The following KCNMA1 variants were observed in gnomAD, a reference collection of about 807,000 sequenced individuals.
The protein encoded by KCNMA1 is potassium calcium-activated channel subfamily M alpha 1, also known as Calcium-activated potassium channel subunit alpha-1.
Under a neutral mutation model 140.0 loss-of-function variants are expected in KCNMA1, and 29 were observed. The ratio of observed to expected loss-of-function variants is 0.21; its 90% CI spans 0.15 to 0.28. KCNMA1 has a LOEUF of 0.28. Among genes scored for constraint, KCNMA1 ranks in the 10% least tolerant of loss-of-function variants. The probability of loss-of-function intolerance (pLI) is 1.00; values close to 1 mark genes in which losing one functional copy is unlikely to be tolerated. For synonymous variants in KCNMA1, 612 were observed against 611.9 expected, an observed-to-expected ratio of 1.00 and a Z score of 0.00; for missense variants, 880 against 1,602.2, an observed-to-expected ratio of 0.55 and a Z score of 7.70.
chr10:77,335,147 C>T (rs1297549025), intron 2 of KCNMA1, among the ~76,000 whole-genome samples: 1 of 152,148 alleles, frequency 6.6e-6, no homozygotes, highest in Non-Finnish European at 1.5e-5. Context: ...TCTTTCCTTC[C>T]CCATCTTCCT....
intron 1 of KCNMA1, among the ~76,000 whole-genome samples, chr10:77,458,483 A>G (rs2097795920): frequency 6.6e-6 from 1 of 152,170 alleles, no homozygotes; most frequent in Non-Finnish European, 1.5e-5. Flanking sequence ...ACAAACACGA[A>G]TCTCAACTCC....
intron 14 of KCNMA1, among the ~76,000 whole-genome samples, chr10:77,059,809 G>A (rs1171245800): frequency 6.6e-6 from 1 of 152,110 alleles, no homozygotes; most frequent in East Asian, 1.9e-4. Flanking sequence ...ACAAAGAAAA[G>A]ATGTCTACTC....
intron 5 of KCNMA1, chr10:77,148,199 T>G (rs1158916330): frequency 6.6e-6 from 1 of 152,126 alleles, no homozygotes; most frequent in African/African-American, 2.4e-5. Context: ...GAGAAACAAC[T>G]AGGTTATGAC....
At chr10:77,233,328 T>C (rs1466369728) in intron 3 of KCNMA1, among the ~76,000 whole-genome samples, 1 of 152,196 alleles carries the variant, frequency 6.6e-6, no homozygotes, top group African/African-American at 2.4e-5. Context: ...ATCCCAAGGA[T>C]TCTTCACTTG....
chr10:77,033,649 A>C (rs757524648), intron 15 of KCNMA1, among the ~76,000 whole-genome samples: 2 of 152,210 alleles, frequency 1.3e-5, no homozygotes, highest in Non-Finnish European at 2.9e-5. Context: ...ACAAGAACCC[A>C]GTGTTGAGTC....
intron 1 of KCNMA1, among the ~76,000 whole-genome samples, chr10:77,606,904 C>T (rs550138091): frequency 1.6e-4 from 24 of 152,278 alleles, no homozygotes; most frequent in African/African-American, 5.8e-4. Flanking sequence ...CCCGTGCAAC[C>T]CTTGCACCCT....
intron 1 of KCNMA1, among the ~76,000 whole-genome samples, chr10:77,596,834 A>G (rs1290919925): frequency 6.6e-6 from 1 of 152,236 alleles, no homozygotes; most frequent in Non-Finnish European, 1.5e-5. Context: ...TGTTCCCAGC[A>G]GCACATGCCA....
intron 14 of KCNMA1, among the ~76,000 whole-genome samples, chr10:77,063,363 G>C (rs2095827533): frequency 6.6e-6 from 1 of 152,066 alleles, no homozygotes; most frequent in African/African-American, 2.4e-5. Flanking sequence ...TGGGTTGCTG[G>C]GGGAGAGGTG....
At position 76,941,777 on chromosome 10, in the gene KCNMA1, T is replaced by G. The variant is rs554301228; in HGVS notation, c.2902+2996A>C. Among the ~76,000 whole-genome samples the G allele has an allele frequency of 2.9e-4, 44 of 152,284 alleles. 1 individual carries two copies. Among genetic ancestry groups the G allele is most frequent in the African/African-American group, 1.0e-3 (43 of 41,564 alleles). ...TGCGGTCTTAGTCCATTTGGGCTCC[T>G]GTAACAAACACCATAATCTGGGTGG... is the stretch of plus-strand genomic sequence containing the variant. On this transcript the variant is annotated intron_variant, in intron 23 of 27. Transcript: ENST00000286628.
chr10:77,475,583 G>A (rs1175738707), intron 1 of KCNMA1, among the ~76,000 whole-genome samples: 1 of 152,134 alleles, frequency 6.6e-6, no homozygotes. Context: ...AAGGCAAGGG[G>A]AGATTAATGA....
At chr10:77,079,686 C>A in intron 12 of KCNMA1, 136 bp from the exon 13 acceptor site, 1 of 707,894 alleles carries the variant, frequency 1.4e-6, no homozygotes, top group Middle Eastern at 2.4e-4. Flanking sequence ...AGAGGCAGGG[C>A]TCAGATACCA....
chr10:77,135,015 A>AAAAAAAAAAAAAAAAAAAAAAG, intron 5 of KCNMA1, among the ~76,000 whole-genome samples: 1 of 143,966 alleles, frequency 6.9e-6, no homozygotes, highest in Admixed American at 7.1e-5. Context: ...AAAAAAAAAA[A>AAAAAAAAAAAAAAAAAAAAAAG]AAAAAAAAAA....
intron 1 of KCNMA1, among the ~76,000 whole-genome samples, chr10:77,478,704 C>T (rs1819355061): frequency 6.6e-6 from 1 of 152,128 alleles, no homozygotes; most frequent in African/African-American, 2.4e-5. Context: ...GAACTAAAAG[C>T]ACATTGTATT....
chr10:77,374,570 G>C (rs2154418643), intron 2 of KCNMA1, among the ~76,000 whole-genome samples: 1 of 152,272 alleles, frequency 6.6e-6, no homozygotes, highest in African/African-American at 2.4e-5. Flanking sequence ...GGGATGGAAG[G>C]CAAGGCCTTG....
chr10:77,436,107 A>G (rs1186089748), intron 1 of KCNMA1, among the ~76,000 whole-genome samples: 2 of 152,354 alleles, frequency 1.3e-5, no homozygotes, highest in African/African-American at 2.4e-5. Flanking sequence ...TTGGATCCCC[A>G]GATGTTCCTA....
At chr10:77,579,620 C>G (rs1282429899) in intron 1 of KCNMA1, among the ~76,000 whole-genome samples, 2 of 152,120 alleles carry the variant, frequency 1.3e-5, no homozygotes, top group Admixed American at 1.3e-4. Context: ...CGGTAGACTC[C>G]TGCTGTGGGC....
At position 77,506,596 on chromosome 10, in the gene KCNMA1, A is replaced by AGAGAGAGAGAGTGTGTGTGTGTGTGT; in HGVS notation, c.379-102574_379-102573insACACACACACACACACTCTCTCTCTC. ...TAGAGAGAGAGAGAGAGAGAGAGAG[A>AGAGAGAGAGAGTGTGTGTGTGTGTGT]GTGTGTGTGTGTGTGTGTGTGTGTT... On this transcript the variant is annotated intron_variant, in intron 1 of 27. Transcript: ENST00000286628. Among the ~76,000 whole-genome samples the AGAGAGAGAGAGTGTGTGTGTGTGTGT allele has an allele frequency of 1.0e-3, 86 of 83,544 alleles. 1 individual carries two copies. Among genetic ancestry groups the AGAGAGAGAGAGTGTGTGTGTGTGTGT allele is most frequent in the African/African-American group, 2.7e-3 (36 of 13,408 alleles). 54.8% of individuals were successfully genotyped at this position (83,544 alleles called of 152,430 possible).
At chr10:77,198,808 T>C (rs555444895) in intron 3 of KCNMA1, among the ~76,000 whole-genome samples, 1 of 152,254 alleles carries the variant, frequency 6.6e-6, no homozygotes, top group South Asian at 2.1e-4. Flanking sequence ...TGGTACGGTC[T>C]AGTCCTAACT....
chr10:77,004,213 CCA>C (rs35789536), intron 18 of KCNMA1, among the ~76,000 whole-genome samples: 48,141 of 144,142 alleles, frequency 0.33, 7,923 homozygotes, highest in East Asian at 0.56. Context: ...ACAAGTGCCA[CCA>C]CACACACACA....
Sources: allele counts gnomAD v4.1 joint callset (sites outside exome capture counted in the v4.1 genomes callset), GRCh38; gene constraint gnomAD v4.1.1; transcripts MANE v1.5; gene names NCBI Gene and HGNC (gene_info 2026-07-23, HGNC 2026-07-21).